RAPGEF2: variants seen among roughly 807,000 people sequenced by gnomAD.
The protein encoded by RAPGEF2 is PDZ domain containing guanine nucleotide exchange factor (GEF) 1.
Under a neutral mutation model 186.7 loss-of-function variants are expected in RAPGEF2, and 54 were observed. The observed-to-expected ratio is 0.29, with a 90% confidence interval of 0.23 to 0.36. The LOEUF is 0.36. RAPGEF2 is among the 10% of genes least tolerant of loss of function. The pLI is 1.00. For synonymous variants in RAPGEF2, 712 were observed against 705.9 expected (o/e 1.01, Z -0.14); for missense variants, 1,532 against 2,045.0 (o/e 0.75, Z 4.84).
intron 26 of RAPGEF2, among the ~76,000 whole-genome samples, chr4:159,350,824 C>T (rs193175193): frequency 1.1e-3 from 169 of 152,308 alleles, no homozygotes; most frequent in Admixed American, 4.4e-3. Flanking sequence ...CTTCAGGCTA[C>T]TTCCTCCTCC....
At chr4:159,106,595 AGTTTTGCT>A (rs1737914795) in intron 1 of RAPGEF2, among the ~76,000 whole-genome samples, 1 of 152,220 alleles carries the variant, frequency 6.6e-6, no homozygotes, top group South Asian at 2.1e-4. Context: ...GAATTAGGAA[AGTTTTGCT>A]GTTTTGCTTC....
chr4:159,165,159 G>T (rs987267404), intron 1 of RAPGEF2, among the ~76,000 whole-genome samples: 1 of 151,942 alleles, frequency 6.6e-6, no homozygotes, highest in Non-Finnish European at 1.5e-5. Context: ...AATTATCTCC[G>T]ATATTTGATT....
chr4:159,164,754 C>A (rs1276852610), intron 1 of RAPGEF2, among the ~76,000 whole-genome samples: 1 of 152,132 alleles, frequency 6.6e-6, no homozygotes, highest in Non-Finnish European at 1.5e-5. Flanking sequence ...GTTTATATTA[C>A]TAAGCTGTTG....
chr4:159,211,449 A>T (rs1750520923), intron 4 of RAPGEF2, among the ~76,000 whole-genome samples: 1 of 152,226 alleles, frequency 6.6e-6, no homozygotes, highest in South Asian at 2.1e-4. Context: ...ATTTTATTTG[A>T]ATCGACTAAA....
chr4:159,223,956 T>C (rs1751779553), intron 4 of RAPGEF2, among the ~76,000 whole-genome samples: 1 of 152,052 alleles, frequency 6.6e-6, no homozygotes, highest in East Asian at 1.9e-4. Flanking sequence ...TGGAGTGCAG[T>C]GGTGTGATCT....
intron 7 of RAPGEF2, chr4:159,282,709 G>A: frequency 2.3e-6 from 1 of 427,238 alleles, no homozygotes; most frequent in Non-Finnish European, 4.6e-6. Flanking sequence ...GATCAAGGTA[G>A]AAATGTCTTT....
In RAPGEF2 at chr4:159,198,260, CT is replaced by C. The variant is rs1561074308; in HGVS notation, c.197+5005del. 3.1e-4 allele frequency among the ~76,000 whole-genome samples: 20 copies of C among 64,152 alleles called. 1 individual carries two copies. Among genetic ancestry groups the C allele is most frequent in the African/African-American group, 1.3e-3 (18 of 13,560 alleles). 42.1% of individuals were successfully genotyped at this position (64,152 alleles called of 152,430 possible). A position where few individuals can be genotyped will look rare whatever the true frequency, so the allele number is the denominator to read the frequency against. On this transcript the variant is annotated intron_variant, in intron 3 of 29. Coordinates refer to ENST00000691494, the MANE Select transcript of RAPGEF2 (RefSeq NM_001394067.2). ...TCTTTCTTTCTTCCTTTCTTTCTTTCTCTTTCTTTCCTTCTTTCTTTCTTTC... is the reference window on the plus strand; with the variant it reads ...TCTTTCTTTCTTCCTTTCTTTCTTTCCTTTCTTTCCTTCTTTCTTTCTTTC...
chr4:159,259,341 A>G (rs1419070177), intron 7 of RAPGEF2, among the ~76,000 whole-genome samples: 1 of 152,244 alleles, frequency 6.6e-6, no homozygotes, highest in Non-Finnish European at 1.5e-5. Flanking sequence ...TAGAATGTCC[A>G]ATGTCCAATA....
At position 159,131,097 on chromosome 4, in the gene RAPGEF2, TGAGAGAGAGAGAGA is replaced by T. The variant is rs10596468; in HGVS notation, c.69+26887_69+26900del. ...GCGTGTTGTTTTGTGTGTGTGTGTG[TGAGAGAGAGAGAGA>T]GAGAGAGAGAGAGAGAGAGACAGAA... On this transcript the variant is annotated intron_variant, in intron 1 of 29. Coordinates refer to ENST00000691494, the MANE Select transcript of RAPGEF2 (RefSeq NM_001394067.2). Among the ~76,000 whole-genome samples the T allele has an allele frequency of 2.8e-3, 408 of 148,214 alleles. 1 individual carries two copies. The highest frequency in any genetic ancestry group is 9.4e-3 in the African/African-American group (379 of 40,344).
chr4:159,264,757 T>C (rs1757242712), intron 7 of RAPGEF2, among the ~76,000 whole-genome samples: 1 of 152,200 alleles, frequency 6.6e-6, no homozygotes. Flanking sequence ...CCCCAATCCC[T>C]CCTTCCCCCA....
Position 159,105,176 on chromosome 4 carries a change from T to A in RAPGEF2, c.69+945T>A, listed in dbSNP as rs985990559. ...TCTCCGCCTTTAGTTGCTGACTGGA[T>A]AATGACGCATATTCCTAAGCGTTGG... On this transcript the variant is annotated intron_variant, in intron 1 of 29. Coordinates refer to ENST00000691494, the MANE Select transcript of RAPGEF2 (RefSeq NM_001394067.2). Among the ~76,000 whole-genome samples the A allele has an allele frequency of 4.6e-5, 7 of 152,228 alleles. 1 individual carries two copies. Among genetic ancestry groups the A allele is most frequent in the Non-Finnish European group, 1.5e-5 (1 of 68,038 alleles).
At chr4:159,311,257 A>G (rs1049618066) in intron 8 of RAPGEF2, among the ~76,000 whole-genome samples, 2 of 152,170 alleles carry the variant, frequency 1.3e-5, no homozygotes, top group Non-Finnish European at 2.9e-5. Flanking sequence ...TAGGATCACT[A>G]TTTTTATAAT....
chr4:159,331,405 C>T (rs772364240), intron 13 of RAPGEF2, 26 bp from the exon 14 acceptor site: 2 of 1,456,396 alleles, frequency 1.4e-6, no homozygotes, highest in South Asian at 1.3e-5. Flanking sequence ...AAAAAGGAAA[C>T]TTATTGAAAA....
intron 1 of RAPGEF2, among the ~76,000 whole-genome samples, chr4:159,136,382 G>C (rs992634664): frequency 3.3e-5 from 5 of 152,256 alleles, no homozygotes; most frequent in African/African-American, 1.2e-4. Flanking sequence ...AAGGACTTCA[G>C]GAAGACCAGG....
At chr4:159,231,237 A>G (rs1310350640) in intron 4 of RAPGEF2, among the ~76,000 whole-genome samples, 1 of 152,150 alleles carries the variant, frequency 6.6e-6, no homozygotes, top group Non-Finnish European at 1.5e-5. Flanking sequence ...ATAGTAGGCT[A>G]TACCATCTTG....
At chr4:159,167,195 T>C (rs1009335258) in intron 1 of RAPGEF2, among the ~76,000 whole-genome samples, 2 of 152,358 alleles carry the variant, frequency 1.3e-5, no homozygotes, top group African/African-American at 4.8e-5. Context: ...TACGTGGTTT[T>C]CACTGGAATA....
intron 7 of RAPGEF2, among the ~76,000 whole-genome samples, chr4:159,293,371 T>C (rs369113206): frequency 1.3e-5 from 2 of 152,230 alleles, no homozygotes; most frequent in East Asian, 1.9e-4. Flanking sequence ...AGTTGTAAGA[T>C]GCATGACAGC....
chr4:159,355,888 A>ACCCC lies in RAPGEF2; in HGVS notation c.4688_4691dup (p.Gly1566SerfsTer10). ...GGGCAGGTATCGAGAGCCCCCGCCCACCCCTCCCGGCTACATTGGAATTCC... is the reference window on the plus strand; with the variant it reads ...GGGCAGGTATCGAGAGCCCCCGCCCACCCCCCCCTCCCGGCTACATTGGAATTCC... On this transcript the variant is annotated frameshift_variant, in exon 29 of 30. Coordinates refer to ENST00000691494, the MANE Select transcript of RAPGEF2 (RefSeq NM_001394067.2). LOFTEE classifies it high-confidence loss of function. 1 of 696,478 alleles carries ACCCC rather than the reference A, an allele frequency of 1.4e-6. No homozygotes were observed. Among genetic ancestry groups the ACCCC allele is most frequent in the Non-Finnish European group, 2.0e-6 (1 of 497,812 alleles). 43.1% of individuals were successfully genotyped at this position (696,478 alleles called of 1,614,324 possible). A position where few individuals can be genotyped will look rare whatever the true frequency, so the allele number is the denominator to read the frequency against.
chr4:159,339,683 T>C (rs895112064), intron 19 of RAPGEF2, among the ~76,000 whole-genome samples: 1 of 152,180 alleles, frequency 6.6e-6, no homozygotes, highest in Non-Finnish European at 1.5e-5. Flanking sequence ...ATGCTTGATG[T>C]AAAGTCACGG....
Sources: gnomAD v4.1 joint callset for allele counts (sites outside exome capture counted in the v4.1 genomes callset) on GRCh38, gnomAD v4.1.1 for gene constraint, MANE v1.5 for transcripts, NCBI Gene and HGNC (gene_info 2026-07-23, HGNC 2026-07-21) for gene names.